Variants in SPINK5 observed in about 807,000 individuals in gnomAD.
The protein encoded by SPINK5 is serine protease inhibitor Kazal-type 5.
Under a neutral mutation model 151.8 loss-of-function variants are expected in SPINK5, and 125 were observed. The ratio of observed to expected loss-of-function variants is 0.82; its 90% CI spans 0.71 to 0.96. The LOEUF is 0.96. SPINK5 is among the 40% of genes least tolerant of loss of function. SPINK5 has a pLI of 0.00. For synonymous variants in SPINK5, 374 were observed against 395.3 expected (o/e 0.95, Z 0.64); for missense variants, 1,194 against 1,291.9 (o/e 0.92, Z 1.16).
chr5:148,116,307 C>T (rs1032656469), intron 21 of SPINK5, 63 bp from the exon 22 acceptor site: 2 of 1,550,856 alleles, frequency 1.3e-6, no homozygotes, highest in Non-Finnish European at 1.8e-6. Flanking sequence ...ATGAGAAACT[C>T]AAAGAAATGC....
intron 31 of SPINK5, among the ~76,000 whole-genome samples, chr5:148,133,100 A>T (rs894272461): frequency 6.6e-6 from 1 of 152,220 alleles, no homozygotes; most frequent in Non-Finnish European, 1.5e-5. Context: ...TGATGAAAAT[A>T]TTAAGAAAGC....
chr5:148,105,527 A>C (rs1177850222), intron 16 of SPINK5, among the ~76,000 whole-genome samples: 2 of 152,110 alleles, frequency 1.3e-5, no homozygotes, highest in Non-Finnish European at 2.9e-5. Context: ...TGCTTTTATA[A>C]TTTTATACAT....
At chr5:148,092,016 G>A (rs1350274119) in intron 8 of SPINK5, among the ~76,000 whole-genome samples, 2 of 151,834 alleles carry the variant, frequency 1.3e-5, no homozygotes, top group Non-Finnish European at 2.9e-5. Context: ...GTTTTGCCAT[G>A]CTCTGGGTGT....
chr5:148,064,169 C>A (rs1752516007), intron 1 of SPINK5, 70 bp downstream of exon 1: 1 of 1,572,544 alleles, frequency 6.4e-7, no homozygotes, highest in Non-Finnish European at 8.7e-7. Flanking sequence ...GACTTTTCTC[C>A]CCCTACTCCT....
chr5:148,133,439 G>A (rs549755898), intron 31 of SPINK5, among the ~76,000 whole-genome samples: 4 of 152,066 alleles, frequency 2.6e-5, no homozygotes, highest in South Asian at 2.1e-4. Flanking sequence ...TCCCCAGGTC[G>A]TATTATTGGT....
rs767816225 is a variant in SPINK5, at chr5:148,116,452, G to T, written c.2098G>T (p.Gly700Ter). 1.2e-5 allele frequency: 20 copies of T among 1,614,038 alleles called. No individual in the cohort carries two copies. The highest frequency in any genetic ancestry group is 1.5e-5 in the Non-Finnish European group (18 of 1,179,992). ...AGGACATGGTTCCAGTGGTGGTGGA[G>T]GAGGAAACACTCAGGTGAGAGCAAC... Reference protein sequence around the residue: ...AAGHGSSGGGGGNTQDECAEY... With the variant: ...AAGHGSSGGG The change falls in exon 22 of 33, where the codon GGA becomes TGA. Residue 700 changes from glycine (G) to a stop codon, truncating the protein, a stop_gained. Transcript: ENST00000256084. LOFTEE classifies it high-confidence loss of function.
In SPINK5 at chr5:148,100,525, C is replaced by T; in HGVS notation, c.1164C>T (p.Ile388=). 6.2e-7 allele frequency: 1 copy of T among 1,613,246 alleles called. No individual in the cohort carries two copies. Among genetic ancestry groups the T allele is most frequent in the South Asian group, 1.1e-5 (1 of 91,064 alleles). The change falls in exon 13 of 33, where the codon ATC becomes ATT. Residue 388 remains isoleucine (I), a synonymous_variant. Transcript: ENST00000256084. ...CTTGCACCAGAGAGAACGATCCTAT[C>T]CAGGGCCCAGATGGGAAAGTGCATG... The part of the protein sequence containing the change: ...KLACTRENDP[I]QGPDGKVHGN...
At chr5:148,120,490 C>A in intron 26 of SPINK5, 99 bp downstream of exon 26, 1 of 1,403,002 alleles carries the variant, frequency 7.1e-7, no homozygotes, top group Non-Finnish European at 9.9e-7. Context: ...CTGTCCCAAT[C>A]ATTGGTGATA....
At chr5:148,115,089 G>A (rs1340430793) in intron 21 of SPINK5, among the ~76,000 whole-genome samples, 1 of 152,186 alleles carries the variant, frequency 6.6e-6, no homozygotes. Context: ...AGGAGGGACT[G>A]TTGAATGAAA....
intron 16 of SPINK5, among the ~76,000 whole-genome samples, chr5:148,105,764 G>A (rs1480501190): frequency 2.0e-5 from 3 of 149,912 alleles, no homozygotes; most frequent in Non-Finnish European, 4.4e-5. Flanking sequence ...TTACAGGCAC[G>A]TGCCACAATG....
chr5:148,114,603 G>T (rs540565636), intron 21 of SPINK5, 114 bp downstream of exon 21: 8 of 1,461,408 alleles, frequency 5.5e-6, no homozygotes, highest in African/African-American at 2.8e-5. Context: ...GAAACAGAAG[G>T]TTATCTGTAA....
At position 148,125,715 on chromosome 5, in the gene SPINK5, T is replaced by C; in HGVS notation, c.2740-8T>C. ...AGCCATGTTCACTTTCCCTTTCTCA[T>C]TTTCTAGGATGAGTGCAGTGAATTT... is the stretch of plus-strand genomic sequence containing the variant. On this transcript the variant is annotated splice_polypyrimidine_tract_variant and splice_region_variant and intron_variant, in intron 28 of 32. Transcript: ENST00000256084. 1 of 1,614,186 alleles carries C rather than the reference T, an allele frequency of 6.2e-7. No homozygotes were observed. Among genetic ancestry groups the C allele is most frequent in the East Asian group, 2.2e-5 (1 of 44,890 alleles).
intron 30 of SPINK5, among the ~76,000 whole-genome samples, chr5:148,130,428 T>C (rs1235505652): frequency 6.6e-6 from 1 of 152,104 alleles, no homozygotes; most frequent in East Asian, 1.9e-4. Flanking sequence ...TTCTATGTAA[T>C]TACTGATACC....
intron 14 of SPINK5, 62 bp downstream of exon 14, chr5:148,101,498 C>T (rs1337974103): frequency 1.5e-6 from 2 of 1,326,194 alleles, no homozygotes; most frequent in African/African-American, 2.9e-5. Flanking sequence ...AGATCATGTT[C>T]AGGGAACACG....
At chr5:148,091,288 C>T in intron 8 of SPINK5, 60 bp downstream of exon 8, 1 of 1,370,670 alleles carries the variant, frequency 7.3e-7, no homozygotes, top group South Asian at 1.2e-5. Flanking sequence ...CAAATGTATG[C>T]CTAAACCTTT....
rs756391587 is a variant in SPINK5 at position 148,125,788 on chromosome 5, C to T, written c.2805C>T (p.Asp935=). 9 of 1,614,058 alleles carry T rather than the reference C, an allele frequency of 5.6e-6. No individual in the cohort carries two copies. In the South Asian group the frequency reaches 9.9e-5, roughly 18 times the overall value. Residue 935 remains aspartate, a synonymous_variant, in exon 29 of 33, where the codon GAC becomes GAT. Transcript: ENST00000256084. ...AACTCATCTGCCCTAGAGAGAATGA[C>T]CCAGTGCACGGTGCTGATGGAAAGT... ...NNELICPREN[D]PVHGADGKFY... is the part of the protein sequence containing the mutation.
chr5:148,129,755 T>C (rs1754528164), intron 30 of SPINK5, among the ~76,000 whole-genome samples: 1 of 152,198 alleles, frequency 6.6e-6, no homozygotes, highest in Admixed American at 6.5e-5. Context: ...CAAATACTGC[T>C]TGACTCCTCC....
In SPINK5 at chr5:148,127,020, A is replaced by G. The variant is rs3188691; in HGVS notation, c.2905A>G (p.Lys969Glu). 1.9e-3 allele frequency: 3,089 copies of G among 1,613,724 alleles called. 31 individuals are homozygous for G. The African/African-American group carries it at 0.023, about 12-fold the overall frequency. Residue 969 changes from lysine to glutamate, a missense_variant, in exon 30 of 33, where the codon AAG becomes GAG. Lys to Glu is a moderately conservative substitution (Grantham distance 56). Transcript: ENST00000256084. ...TTTGGAAAGGGCAAAGCTTCAAGAA[A>G]AGCCATCCCATGTTAGAGCTTCTCA... ...EALERAKLQE[K>E]PSHVRASQEE...
intron 4 of SPINK5, among the ~76,000 whole-genome samples, chr5:148,082,620 T>C (rs1421044591): frequency 4.0e-4 from 5 of 12,546 alleles, no homozygotes; most frequent in Non-Finnish European, 5.7e-4. Flanking sequence ...TTTTTTTTTT[T>C]TTTTTTTTGA....
Sources: allele counts gnomAD v4.1 joint callset (sites outside exome capture counted in the v4.1 genomes callset), GRCh38; gene constraint gnomAD v4.1.1; transcripts MANE v1.5; gene names NCBI Gene and HGNC (gene_info 2026-07-23, HGNC 2026-07-21).